C1orf159: variants seen among roughly 807,000 people sequenced by gnomAD.
C1orf159 encodes chromosome 1 open reading frame 159.
A neutral mutation model predicts 25.6 loss-of-function variants in C1orf159; 19 were observed. That is an observed-to-expected ratio of 0.74 (90% CI 0.52 to 1.09). The LOEUF is 1.09. Among genes scored for constraint, C1orf159 ranks in the 50% least tolerant of loss-of-function variants. The pLI is 0.00. For missense variants in C1orf159, 274 were observed against 290.6 expected (o/e 0.94, Z 0.42); for synonymous variants, 139 against 124.7 (o/e 1.12, Z -0.77).
At position 1,091,404 on chromosome 1, in the gene C1orf159, G is replaced by A. The variant is rs773513111; in HGVS notation, c.72+68C>T. 35 of 1,362,458 alleles carry A rather than the reference G, an allele frequency of 2.6e-5. No individual in the cohort carries two copies. In the South Asian group the frequency reaches 3.0e-4, roughly 12 times the overall value. 84.4% of individuals were successfully genotyped at this position (1,362,458 alleles called of 1,614,324 possible). A position where few individuals can be genotyped will look rare whatever the true frequency, so the allele number is the denominator to read the frequency against. ...AGGTGGAAGGGTTAGACCCTCTAGGGGAAGGGCCCACCGCCCTCCACAGAG... is the reference window on the plus strand; with the variant it reads ...AGGTGGAAGGGTTAGACCCTCTAGGAGAAGGGCCCACCGCCCTCCACAGAG... On this transcript the variant is annotated intron_variant, in intron 3 of 9. Transcript: ENST00000421241.
At chr1:1,086,256 C>A (rs879895628) in intron 6 of C1orf159, among the ~76,000 whole-genome samples, 3 of 152,262 alleles carry the variant, frequency 2.0e-5, no homozygotes, top group African/African-American at 7.2e-5. Flanking sequence ...CAGCTTCTCT[C>A]AGGAGCTCGG....
At chr1:1,114,839 A>G (rs1158389579) in intron 1 of C1orf159, among the ~76,000 whole-genome samples, 1 of 149,364 alleles carries the variant, frequency 6.7e-6, no homozygotes, top group Non-Finnish European at 1.5e-5. Context: ...ACGCCTAAGA[A>G]CGATACACTG....
intron 1 of C1orf159, among the ~76,000 whole-genome samples, chr1:1,101,197 A>G (rs1646095206): frequency 1.3e-5 from 2 of 152,100 alleles, no homozygotes; most frequent in Non-Finnish European, 2.9e-5. Context: ...ATTACTCACA[A>G]ACTTGGTCGG....
intron 9 of C1orf159, chr1:1,083,853 T>G: frequency 7.0e-7 from 1 of 1,429,078 alleles, no homozygotes; most frequent in Non-Finnish European, 9.6e-7. Context: ...CTTGGAGCTG[T>G]GTGGCTGTGC....
chr1:1,096,942 A>G (rs1056046355), intron 1 of C1orf159, among the ~76,000 whole-genome samples: 2 of 152,200 alleles, frequency 1.3e-5, no homozygotes, highest in Non-Finnish European at 2.9e-5. Context: ...AAACTGAAGC[A>G]TGATGTTGCT....
chr1:1,114,800 C>T (rs1466610063), intron 1 of C1orf159, among the ~76,000 whole-genome samples: 2 of 152,044 alleles, frequency 1.3e-5, no homozygotes, highest in Non-Finnish European at 2.9e-5. Flanking sequence ...GCGAGGGTTT[C>T]CCAGGTTAAG....
chr1:1,084,784 TC>T (rs1205807714), intron 7 of C1orf159, among the ~76,000 whole-genome samples: 1 of 151,954 alleles, frequency 6.6e-6, no homozygotes, highest in Admixed American at 6.5e-5. Context: ...GGACCCACCT[TC>T]CCGCCTCAGC....
At chr1:1,086,679 G>A (rs749009454) in intron 6 of C1orf159, among the ~76,000 whole-genome samples, 2 of 152,258 alleles carry the variant, frequency 1.3e-5, no homozygotes, top group Non-Finnish European at 2.9e-5. Context: ...CTGCCACTCA[G>A]GTCAGCAATG....
intron 1 of C1orf159, among the ~76,000 whole-genome samples, chr1:1,098,005 T>C (rs1246622780): frequency 6.6e-6 from 1 of 152,186 alleles, no homozygotes; most frequent in Non-Finnish European, 1.5e-5. Context: ...ATTTTGATGT[T>C]ATATTTTCAT....
intron 1 of C1orf159, among the ~76,000 whole-genome samples, chr1:1,102,717 G>T (rs1646119580): frequency 6.7e-6 from 1 of 148,964 alleles, no homozygotes; most frequent in African/African-American, 2.5e-5. Flanking sequence ...AGAATCACTT[G>T]AACCTGGGAG....
chr1:1,108,298 G>A (rs1646205944), intron 1 of C1orf159, among the ~76,000 whole-genome samples: 6 of 135,448 alleles, frequency 4.4e-5, no homozygotes, highest in South Asian at 2.5e-4. Context: ...CCATGTCTCG[G>A]CACCGTTCAC....
At chr1:1,098,501 T>C (rs1038888700) in intron 1 of C1orf159, among the ~76,000 whole-genome samples, 1 of 152,276 alleles carries the variant, frequency 6.6e-6, no homozygotes, top group Non-Finnish European at 1.5e-5. Flanking sequence ...TTAATTCCTC[T>C]GTGCTCAGAA....
At chr1:1,105,682 C>T (rs1280495271) in intron 1 of C1orf159, among the ~76,000 whole-genome samples, 1 of 152,030 alleles carries the variant, frequency 6.6e-6, no homozygotes, top group Admixed American at 6.6e-5. Context: ...GAGAGTGAGA[C>T]CATCCTGGCT....
At chr1:1,099,937 A>G (rs557775116) in intron 1 of C1orf159, among the ~76,000 whole-genome samples, 1 of 152,252 alleles carries the variant, frequency 6.6e-6, no homozygotes, top group Admixed American at 6.5e-5. Flanking sequence ...CTTTCTGCCT[A>G]CTTGTGTTTT....
chr1:1,093,739 G>A (rs1645972516), intron 1 of C1orf159, among the ~76,000 whole-genome samples: 1 of 152,248 alleles, frequency 6.6e-6, no homozygotes, highest in African/African-American at 2.4e-5. Flanking sequence ...CCTGGTGACT[G>A]GATGGAGCTG....
intron 1 of C1orf159, among the ~76,000 whole-genome samples, chr1:1,104,354 CA>C (rs1156707269): frequency 1.3e-5 from 2 of 152,222 alleles, no homozygotes; most frequent in Non-Finnish European, 2.9e-5. Flanking sequence ...TGGCTGCCCT[CA>C]GGGCAAAGAT....
chr1:1,088,503 C>T (rs1480760792), intron 4 of C1orf159, among the ~76,000 whole-genome samples: 1 of 150,356 alleles, frequency 6.7e-6, no homozygotes, highest in African/African-American at 2.5e-5. Context: ...CACCCTGGCA[C>T]CCTCCCCCGG....
chr1:1,101,877 G>C (rs920683771), intron 1 of C1orf159, among the ~76,000 whole-genome samples: 2 of 151,932 alleles, frequency 1.3e-5, no homozygotes, highest in African/African-American at 4.8e-5. Flanking sequence ...TTCGAGACTA[G>C]CCTGGCCAAC....
chr1:1,099,473 GCA>G (rs1646063122), intron 1 of C1orf159, among the ~76,000 whole-genome samples: 1 of 130,280 alleles, frequency 7.7e-6, no homozygotes, highest in African/African-American at 3.4e-5. Flanking sequence ...TCTAAGAATT[GCA>G]GAGAGAGAGG....
Sources: gnomAD v4.1 joint callset for allele counts (sites outside exome capture counted in the v4.1 genomes callset) on GRCh38, gnomAD v4.1.1 for gene constraint, MANE v1.5 for transcripts, NCBI Gene and HGNC (gene_info 2026-07-23, HGNC 2026-07-21) for gene names.